SRRM2: variants seen among roughly 807,000 people sequenced by gnomAD.
The protein encoded by SRRM2 is serine/arginine repetitive matrix protein 2.
SRRM2 carries 30 observed loss-of-function variants against 213.8 expected under a neutral mutation model. That is an observed-to-expected ratio of 0.14 (90% confidence interval 0.10 to 0.19). SRRM2 has a LOEUF of 0.19. Among genes scored for constraint, SRRM2 ranks in the 10% least tolerant of loss-of-function variants. The pLI, the probability that SRRM2 is intolerant of heterozygous loss-of-function variation, is 1.00. For missense variants in SRRM2, 4,904 were observed against 3,647.0 expected (o/e 1.34, Z -8.88); for synonymous variants, 2,025 against 1,377.7 (o/e 1.47, Z -10.40).
chr16:2,756,201 A>G, intron 1 of SRRM2, 133 bp from the exon 2 acceptor site: 2 of 885,798 alleles, frequency 2.3e-6, no homozygotes, highest in Non-Finnish European at 3.3e-6. Flanking sequence ...ATGGTGGAGC[A>G]TTATACAGCG....
intron 12 of SRRM2, chr16:2,770,021 C>A (rs1347304210): frequency 2.9e-6 from 2 of 681,726 alleles, no homozygotes; most frequent in Non-Finnish European, 4.6e-6. Context: ...CCCTGCCTTG[C>A]CCCATGTCCC....
In SRRM2 at chr16:2,767,920, C is replaced by T; in HGVS notation, c.7392C>T (p.Ala2464=). The T allele has an allele frequency of 2.5e-6, 4 of 1,614,174 alleles. No individual in the cohort carries two copies. Among genetic ancestry groups the T allele is most frequent in the Non-Finnish European group, 3.4e-6 (4 of 1,180,038 alleles). The change falls in exon 11 of 15, where the codon GCC becomes GCT. Residue 2464 remains alanine (A), a synonymous_variant. Coordinates refer to ENST00000301740, the MANE Select transcript of SRRM2 (RefSeq NM_016333.4). ...AFSDQSRCLI[A]QTTPVAGSQS... is the part of the protein sequence containing the mutation. The stretch of plus-strand genomic sequence containing the variant: ...CAGACCAATCCCGTTGTTTGATTGC[C>T]CAGACCACCCCTGTAGCAGGGTCTC...
At chr16:2,753,875 AT>A (rs1195916901) in intron 1 of SRRM2, among the ~76,000 whole-genome samples, 2 of 151,778 alleles carry the variant, frequency 1.3e-5, no homozygotes, top group African/African-American at 4.8e-5. Context: ...GCTGATGTCC[AT>A]TTTTTTCGAC....
In SRRM2 at chr16:2,762,505, C is replaced by G. The variant is rs747916541; in HGVS notation, c.1977C>G (p.Arg659=). The G allele has an allele frequency of 6.2e-7, 1 of 1,613,474 alleles. No individual in the cohort carries two copies. The highest frequency in any genetic ancestry group is 1.1e-5 in the South Asian group (1 of 91,020). The part of the protein sequence containing the change: ...SRTPARRGRS[R]SRTPARRGRS... ...CCCCAGCTAGACGTGGCCGCTCACGCTCCAGAACCCCAGCCAGACGTGGCC... is the reference window on the plus strand; with the variant it reads ...CCCCAGCTAGACGTGGCCGCTCACGGTCCAGAACCCCAGCCAGACGTGGCC... Residue 659 remains arginine (R), a synonymous_variant, in exon 11 of 15, where the codon CGC becomes CGG. Transcript: ENST00000301740.
rs536467701 is a variant in SRRM2 at position 2,752,812 on chromosome 16, C to T, written c.-66C>T. The T allele has an allele frequency of 4.4e-4, 141 of 323,236 alleles. 1 individual carries two copies. Among genetic ancestry groups the T allele is most frequent in the South Asian group, 2.7e-3 (130 of 47,498 alleles). 20.0% of individuals were successfully genotyped at this position (323,236 alleles called of 1,614,324 possible). On this transcript the variant is annotated 5_prime_UTR_variant, in exon 1 of 15. Coordinates refer to ENST00000301740, the MANE Select transcript of SRRM2 (RefSeq NM_016333.4). The stretch of plus-strand genomic sequence containing the variant: ...GCTCGAGCAGCGGCGGCGGCAAGAC[C>T]TCTCCCCCTCGGAGGCGGCGGGCGG...
chr16:2,764,070 C>T lies in SRRM2; in HGVS notation c.3542C>T (p.Pro1181Leu). The change falls in exon 11 of 15, where the codon CCT becomes CTT. Residue 1181 changes from proline (P) to leucine (L), a missense_variant. Physicochemically the swap from Pro to Leu is moderately conservative, Grantham distance 98 (BLOSUM62 -3). Transcript: ENST00000301740. ...PPQEDATASPPRQKDKFSPFP... is the reference protein window; with the variant it reads ...PPQEDATASPLRQKDKFSPFP... ...CAGGAGGATGCTACTGCATCACCTC[C>T]TAGACAGAAAGACAAATTTAGTCCC... is the stretch of plus-strand genomic sequence containing the variant. The T allele has an allele frequency of 6.2e-7, 1 of 1,614,090 alleles. No homozygotes were observed. Among genetic ancestry groups the T allele is most frequent in the Non-Finnish European group, 8.5e-7 (1 of 1,179,998 alleles).
In SRRM2 at chr16:2,766,119, C is replaced by G. The variant is rs1228559237; in HGVS notation, c.5591C>G (p.Ser1864Cys). Residue 1864 changes from serine (S) to cysteine (C), a missense_variant, in exon 11 of 15, where the codon TCT becomes TGT. Ser to Cys is a moderately radical substitution (Grantham distance 112). Transcript: ENST00000301740. The surrounding 1 kb of genome is among the most constrained non-coding windows in gnomAD (Gnocchi z 7.0). ...ACATCACCAGCCCCGTGGAAACGCT[C>G]TAGATCTCGAGCCTCTCCAGCCACT... is the stretch of plus-strand genomic sequence containing the variant. ...SRTSPAPWKR[S>C]RSRASPATHR... 1.9e-6 allele frequency: 3 copies of G among 1,614,042 alleles called. No homozygotes were observed. The highest frequency in any genetic ancestry group is 2.2e-5 in the East Asian group (1 of 44,888).
chr16:2,755,690 G>C lies in SRRM2; in HGVS notation c.-31-644G>C, dbSNP rs59640754. 5.8e-3 allele frequency among the ~76,000 whole-genome samples: 877 copies of C among 152,338 alleles called. 5 individuals carry two copies. Among genetic ancestry groups the C allele is most frequent in the African/African-American group, 0.02 (833 of 41,564 alleles). On this transcript the variant is annotated intron_variant, in intron 1 of 14. Transcript: ENST00000301740. The stretch of plus-strand genomic sequence containing the variant: ...TGACGATTATCCAAGGTTCATGTGT[G>C]TTTCTGATGTGCATGCTGGCCTTTA...
chr16:2,754,080 A>G (rs2068049722), intron 1 of SRRM2, among the ~76,000 whole-genome samples: 2 of 152,068 alleles, frequency 1.3e-5, no homozygotes, highest in Admixed American at 1.3e-4. Flanking sequence ...TTGCATATCC[A>G]CTGTCTATGG....
Position 2,763,846 on chromosome 16 carries a change from T to C in SRRM2, c.3318T>C (p.Thr1106=). The change falls in exon 11 of 15, where the codon ACT becomes ACC. Residue 1106 remains threonine, a synonymous_variant. Transcript: ENST00000301740. Reference sequence around the variant, plus strand: ...GGTCCAGGTCTTCATCTCCAGTCACTGAGCTGGCATCCAGATCTCCAATAA... The same window carrying C: ...GGTCCAGGTCTTCATCTCCAGTCACCGAGCTGGCATCCAGATCTCCAATAA... The part of the protein sequence containing the change: ...GGRSRSSSPV[T]ELASRSPIRQ... The C allele has an allele frequency of 6.2e-7, 1 of 1,614,214 alleles. No homozygotes were observed. The highest frequency in any genetic ancestry group is 1.7e-5 in the Admixed American group (1 of 60,020).
chr16:2,762,885 C>G lies in SRRM2; in HGVS notation c.2357C>G (p.Pro786Arg), dbSNP rs1398460123. 5 of 1,614,186 alleles carry G rather than the reference C, an allele frequency of 3.1e-6. No homozygotes were observed. The highest frequency in any genetic ancestry group is 2.7e-5 in the African/African-American group (2 of 75,048). The change falls in exon 11 of 15, where the codon CCT becomes CGT. Residue 786 changes from proline (P) to arginine (R), a missense_variant. By Grantham distance (103) the Pro-to-Arg change is moderately radical (BLOSUM62 -2). Transcript: ENST00000301740. ...RRSLSGSSPC[P>R]KQKSQTPPRR... ...AGCCTTTCAGGGTCTTCCCCATGCCCTAAACAAAAGTCACAGACACCACCC... is the reference window on the plus strand; with the variant it reads ...AGCCTTTCAGGGTCTTCCCCATGCCGTAAACAAAAGTCACAGACACCACCC...
In SRRM2 at chr16:2,762,995, C is replaced by G; in HGVS notation, c.2467C>G (p.Pro823Ala). The change falls in exon 11 of 15, where the codon CCT becomes GCT. Residue 823 changes from proline to alanine, a missense_variant. Transcript: ENST00000301740. ...CAGTCGCTCCAGTTCTTCTCCGCCA[C>G]CTAAACAGAAATCTAAGACACCATC... is the stretch of plus-strand genomic sequence containing the variant. ...RRSRSSSSPPPKQKSKTPSRQ... is the reference protein window; with the variant it reads ...RRSRSSSSPPAKQKSKTPSRQ... 2 of 1,614,118 alleles carry G rather than the reference C, an allele frequency of 1.2e-6. No individual in the cohort carries two copies. Among genetic ancestry groups the G allele is most frequent in the Non-Finnish European group, 1.7e-6 (2 of 1,180,020 alleles).
In SRRM2 at chr16:2,764,042, C is replaced by A. The variant is rs757842082; in HGVS notation, c.3514C>A (p.Pro1172Thr). ...ATCAAAAGAGAAAATGGCCTTACCCCCTCAGGAGGATGCTACTGCATCACC... is the reference window on the plus strand; with the variant it reads ...ATCAAAAGAGAAAATGGCCTTACCCACTCAGGAGGATGCTACTGCATCACC... ...AESKEKMALPPQEDATASPPR... is the reference protein window; with the variant it reads ...AESKEKMALPTQEDATASPPR... Residue 1172 changes from proline (P) to threonine (T), a missense_variant, in exon 11 of 15, where the codon CCT (proline) becomes ACT (threonine). Physicochemically the swap from Pro to Thr is conservative, Grantham distance 38 (BLOSUM62 -1). Coordinates refer to ENST00000301740, the MANE Select transcript of SRRM2 (RefSeq NM_016333.4). The A allele has an allele frequency of 1.9e-6, 3 of 1,614,156 alleles. No homozygotes were observed. The South Asian group carries it at 3.3e-5, about 18-fold the overall frequency.
At chr16:2,769,791 C>CT (rs946915260) in intron 12 of SRRM2, 51 of 466,146 alleles carry the variant, frequency 1.1e-4, no homozygotes, top group African/African-American at 8.3e-4. Context: ...GCGTGTGAGG[C>CT]TCTTCACCAA....
At chr16:2,761,287 A>T (rs1043872123) in intron 10 of SRRM2, among the ~76,000 whole-genome samples, 1 of 152,164 alleles carries the variant, frequency 6.6e-6, no homozygotes, top group African/African-American at 2.4e-5. Context: ...TTCCATTCTT[A>T]TAACATTTTG....
intron 10 of SRRM2, 147 bp downstream of exon 10, chr16:2,760,646 A>G: frequency 1.2e-6 from 1 of 850,624 alleles, no homozygotes; most frequent in Non-Finnish European, 1.8e-6. Context: ...CTCTTACTGC[A>G]TCTGCAGAAC....
chr16:2,763,501 G>T lies in SRRM2; in HGVS notation c.2973G>T (p.Gly991=). The T allele has an allele frequency of 6.2e-7, 1 of 1,614,140 alleles. No homozygotes were observed. Among genetic ancestry groups the T allele is most frequent in the Non-Finnish European group, 8.5e-7 (1 of 1,180,028 alleles). The change falls in exon 11 of 15, where the codon GGG becomes GGT. Residue 991 remains glycine, a synonymous_variant. Transcript: ENST00000301740. ...CACCGCCAAGACAAAGTCACTCAGGGTCTATTTCACCATACCCCAAAGTAA... is the reference window on the plus strand; with the variant it reads ...CACCGCCAAGACAAAGTCACTCAGGTTCTATTTCACCATACCCCAAAGTAA... ...PETPPRQSHS[G]SISPYPKVKA...
rs1321835385 is a variant in SRRM2 at position 2,767,106 on chromosome 16, C to T, written c.6578C>T (p.Ala2193Val). The T allele has an allele frequency of 6.2e-7, 1 of 1,614,214 alleles. No individual in the cohort carries two copies. Among genetic ancestry groups the T allele is most frequent in the Non-Finnish European group, 8.5e-7 (1 of 1,180,032 alleles). The change falls in exon 11 of 15, where the codon GCT becomes GTT. Residue 2193 changes from alanine to valine, a missense_variant. Ala to Val is a moderately conservative substitution (Grantham distance 64, BLOSUM62 0). Transcript: ENST00000301740. ...LALTAISLGT[A>V]RPPPSMSAAG... ...CTGACAGCTATCAGTCTTGGCACCGCTCGGCCTCCTCCGTCCATGTCTGCT... is the reference window on the plus strand; with the variant it reads ...CTGACAGCTATCAGTCTTGGCACCGTTCGGCCTCCTCCGTCCATGTCTGCT...
chr16:2,762,109 C>T lies in SRRM2; in HGVS notation c.1581C>T (p.Ser527=). ...RSAQRWGRSR[S]PQRRGRSRSP... The stretch of plus-strand genomic sequence containing the variant: ...CACAGAGGTGGGGAAGATCTAGAAG[C>T]CCCCAGCGACGTGGCCGCTCTAGGT... The change falls in exon 11 of 15, where the codon AGC becomes AGT. Residue 527 remains serine (S), a synonymous_variant. Coordinates refer to ENST00000301740, the MANE Select transcript of SRRM2 (RefSeq NM_016333.4). 6.2e-7 allele frequency: 1 copy of T among 1,614,146 alleles called. No individual in the cohort carries two copies.
Sources: gnomAD v4.1 joint callset for allele counts (sites outside exome capture counted in the v4.1 genomes callset) on GRCh38, gnomAD v4.1.1 for gene constraint, Gnocchi (gnomAD v3.1) non-coding constraint, MANE v1.5 for transcripts, NCBI Gene and HGNC (gene_info 2026-07-23, HGNC 2026-07-21) for gene names.